The following FAM13A variants were observed in gnomAD, a reference collection of about 807,000 sequenced individuals.
The protein encoded by FAM13A is family with sequence similarity 13 member A.
A neutral mutation model predicts 129.6 loss-of-function variants in FAM13A; 76 were observed. That is an observed-to-expected ratio of 0.59 (90% confidence interval 0.49 to 0.71). FAM13A has a LOEUF of 0.71. Ranked by LOEUF, FAM13A falls within the 30% of genes least tolerant of loss-of-function variation. The pLI, the probability that FAM13A is intolerant of heterozygous loss-of-function variation, is 0.00. For synonymous variants in FAM13A, 443 were observed against 449.9 expected (o/e 0.98, Z 0.20); for missense variants, 1,108 against 1,249.3 (o/e 0.89, Z 1.70).
intron 13 of FAM13A, among the ~76,000 whole-genome samples, chr4:88,759,621 AAAGTC>A (rs2149511608): frequency 1.3e-5 from 2 of 152,256 alleles, no homozygotes; most frequent in Non-Finnish European, 2.9e-5. Flanking sequence ...TTTTAAGTAA[AAAGTC>A]AAGAGCTGGC....
Position 88,796,197 on chromosome 4 carries a change from C to T in FAM13A, c.1050-5570G>A, listed in dbSNP as rs181051053. 1.2e-4 allele frequency among the ~76,000 whole-genome samples: 18 copies of T among 151,742 alleles called. No individual in the cohort carries two copies. In the East Asian group the frequency reaches 3.5e-3, roughly 29 times the overall value. ...TTTATTCTATAAATTTTCATATATACTTTTTCTTTATTTTCTTAACAGTAT... is the reference window on the plus strand; with the variant it reads ...TTTATTCTATAAATTTTCATATATATTTTTTCTTTATTTTCTTAACAGTAT... On this transcript the variant is annotated intron_variant, in intron 8 of 23. Coordinates refer to ENST00000264344, the MANE Select transcript of FAM13A (RefSeq NM_014883.4).
intron 14 of FAM13A, among the ~76,000 whole-genome samples, chr4:88,752,666 G>T (rs146169014): frequency 6.6e-6 from 1 of 152,112 alleles, no homozygotes; most frequent in South Asian, 2.1e-4. Context: ...CCTCCTAAGT[G>T]GTAGGACTTG....
chr4:88,757,883 A>AC (rs1744003791), intron 14 of FAM13A, among the ~76,000 whole-genome samples: 2 of 152,060 alleles, frequency 1.3e-5, no homozygotes, highest in South Asian at 4.1e-4. Flanking sequence ...AACGGGACTG[A>AC]TTTTTCACAG....
At chr4:88,790,107 T>G (rs1328130400) in intron 9 of FAM13A, among the ~76,000 whole-genome samples, 1 of 152,094 alleles carries the variant, frequency 6.6e-6, no homozygotes, top group East Asian at 1.9e-4. Context: ...GCATCCCTAT[T>G]AGAGTGTAAC....
intron 8 of FAM13A, among the ~76,000 whole-genome samples, chr4:88,796,383 G>A (rs1209774200): frequency 1.3e-5 from 2 of 151,908 alleles, no homozygotes; most frequent in African/African-American, 4.8e-5. Context: ...AAAGATAGCT[G>A]AATAATTTTT....
Position 88,918,149 on chromosome 4 carries a change from T to A in FAM13A, c.760-11687A>T, listed in dbSNP as rs540145349. Among the ~76,000 whole-genome samples, 17 of 152,352 alleles carry A rather than the reference T, an allele frequency of 1.1e-4. No individual in the cohort carries two copies. The South Asian group carries it at 3.5e-3, about 32-fold the overall frequency. ...TTTTGTTGTTTTCAACTAAAGAAAGTACTTTGAGTTACACAAATATTTATT... is the reference window on the plus strand; with the variant it reads ...TTTTGTTGTTTTCAACTAAAGAAAGAACTTTGAGTTACACAAATATTTATT... On this transcript the variant is annotated intron_variant, in intron 5 of 23. Coordinates refer to ENST00000264344, the MANE Select transcript of FAM13A (RefSeq NM_014883.4).
intron 9 of FAM13A, among the ~76,000 whole-genome samples, chr4:88,788,688 T>G (rs1293538608): frequency 6.6e-6 from 1 of 152,132 alleles, no homozygotes; most frequent in Non-Finnish European, 1.5e-5. Context: ...AAGGTGTGTA[T>G]ACCTTTTAGC....
In FAM13A at chr4:88,750,412, A is replaced by G. The variant is rs1199533533; in HGVS notation, c.1940+12T>C. On this transcript the variant is annotated intron_variant, in intron 15 of 23. Transcript: ENST00000264344. ...TGATGCATTTGTCTATCAGCAACAC[A>G]GAGAAACATACCTCATGAAAGAATG... 4 of 1,603,860 alleles carry G rather than the reference A, an allele frequency of 2.5e-6. No homozygotes were observed. In the Admixed American group the frequency reaches 5.0e-5, roughly 20 times the overall value.
At chr4:88,873,419 G>C (rs1579057497) in intron 6 of FAM13A, among the ~76,000 whole-genome samples, 1 of 152,248 alleles carries the variant, frequency 6.6e-6, no homozygotes, top group Admixed American at 6.5e-5. Flanking sequence ...AGAAAAGAGA[G>C]AAGAATCAAA....
At chr4:88,871,929 A>T (rs1016552295) in intron 6 of FAM13A, among the ~76,000 whole-genome samples, 5 of 152,274 alleles carry the variant, frequency 3.3e-5, no homozygotes, top group African/African-American at 1.2e-4. Context: ...GAAGCCCATC[A>T]GACTAACAGC....
chr4:89,018,491 A>G (rs561454265), intron 3 of FAM13A, among the ~76,000 whole-genome samples: 1 of 152,280 alleles, frequency 6.6e-6, no homozygotes, highest in East Asian at 1.9e-4. Flanking sequence ...AAATTAATAC[A>G]ATTTGGGGTT....
chr4:88,923,567 C>T (rs1161589552), intron 5 of FAM13A, among the ~76,000 whole-genome samples: 1 of 152,146 alleles, frequency 6.6e-6, no homozygotes, highest in African/African-American at 2.4e-5. Flanking sequence ...ATAATAAGAG[C>T]TATTTATGAC....
intron 6 of FAM13A, among the ~76,000 whole-genome samples, chr4:88,876,536 T>C (rs563964834): frequency 7.2e-5 from 11 of 152,264 alleles, no homozygotes; most frequent in Non-Finnish European, 1.5e-4. Context: ...CTAAAATCCA[T>C]TCTATAGGAT....
At chr4:88,732,408 CAAT>C (rs1163269859) in intron 21 of FAM13A, 2 of 410,994 alleles carry the variant, frequency 4.9e-6, no homozygotes, top group African/African-American at 4.1e-5. Flanking sequence ...TGTAGCCACT[CAAT>C]AGAGAAAACA....
chr4:88,888,689 G>T (rs1011742740), intron 6 of FAM13A, among the ~76,000 whole-genome samples: 7 of 152,014 alleles, frequency 4.6e-5, no homozygotes, highest in Middle Eastern at 3.4e-3. Flanking sequence ...ATTTTGGGAG[G>T]CCGAGGCGGG....
chr4:88,926,148 C>T (rs1752117589), intron 5 of FAM13A, among the ~76,000 whole-genome samples: 1 of 152,042 alleles, frequency 6.6e-6, no homozygotes, highest in South Asian at 2.1e-4. Context: ...AAAATACACA[C>T]CCCAGAATAA....
chr4:88,906,802 T>G (rs769960505), intron 5 of FAM13A, among the ~76,000 whole-genome samples: 7 of 152,154 alleles, frequency 4.6e-5, no homozygotes, highest in African/African-American at 7.2e-5. Context: ...AATAGTTAAA[T>G]CTCCAAAATA....
intron 11 of FAM13A, among the ~76,000 whole-genome samples, chr4:88,777,288 T>TAG (rs1244170075): frequency 2.0e-5 from 3 of 152,202 alleles, no homozygotes; most frequent in African/African-American, 7.2e-5. Flanking sequence ...TTAGGAAACT[T>TAG]ACTTTGTCAT....
chr4:88,804,960 C>T (rs912962795), intron 8 of FAM13A, 51 bp downstream of exon 8: 2 of 1,027,510 alleles, frequency 1.9e-6, no homozygotes, highest in Middle Eastern at 2.0e-4. Context: ...CCAAAGAAGC[C>T]TTAACCCTCC....
Sources: allele counts gnomAD v4.1 joint callset (sites outside exome capture counted in the v4.1 genomes callset), GRCh38; gene constraint gnomAD v4.1.1; transcripts MANE v1.5; gene names NCBI Gene and HGNC (gene_info 2026-07-23, HGNC 2026-07-21).